The following APEX1 variants were observed in gnomAD, a reference collection of about 807,000 sequenced individuals.
The protein encoded by APEX1 is DNA repair nuclease/redox regulator APEX1.
APEX1 carries 32 observed loss-of-function variants against 33.2 expected under a neutral mutation model. The ratio of observed to expected loss-of-function variants is 0.96; its 90% CI spans 0.73 to 1.29. APEX1 has a LOEUF of 1.29. APEX1 is among the 50% of genes most tolerant of loss of function. The probability of loss-of-function intolerance (pLI) is 0.00; values close to 1 mark genes in which losing one functional copy is unlikely to be tolerated. For missense variants in APEX1, 442 were observed against 395.6 expected, an observed-to-expected ratio of 1.12 and a Z score of -0.99; for synonymous variants, 175 against 156.6, an observed-to-expected ratio of 1.12 and a Z score of -0.88.
Position 20,455,996 on chromosome 14 carries a change from C to T in APEX1, c.141C>T (p.Asp47=). 1.9e-6 allele frequency: 3 copies of T among 1,614,058 alleles called. No homozygotes were observed. The highest frequency in any genetic ancestry group is 1.7e-6 in the Non-Finnish European group (2 of 1,179,978). ...GAGAGGGCCCAGCCCTGTATGAGGACCCCCCAGATCAGAAAACCTCACCCA... is the reference window on the plus strand; with the variant it reads ...GAGAGGGCCCAGCCCTGTATGAGGATCCCCCAGATCAGAAAACCTCACCCA... ...AAGEGPALYE[D]PPDQKTSPSG... is the part of the protein sequence containing the mutation. The change falls in exon 3 of 5, where the codon GAC becomes GAT. Residue 47 remains aspartate (D), a synonymous_variant. Coordinates refer to ENST00000216714, the MANE Select transcript of APEX1 (RefSeq NM_001641.4).
Position 20,457,096 on chromosome 14 carries a change from T to TGGAGTACC in APEX1, c.548_555dup (p.Gln186SerfsTer14). ...AATGCAGGCCGAGGTCTGGTACGAC[T>TGGAGTACC]GGAGTACCGGCAGCGCTGGGATGAA... On this transcript the variant is annotated frameshift_variant, in exon 5 of 5. Transcript: ENST00000216714. LOFTEE classifies it high-confidence loss of function. The TGGAGTACC allele has an allele frequency of 6.2e-7, 1 of 1,614,240 alleles. No individual in the cohort carries two copies. Among genetic ancestry groups the TGGAGTACC allele is most frequent in the Non-Finnish European group, 8.5e-7 (1 of 1,180,044 alleles).
Position 20,457,023 on chromosome 14 carries a change from A to G in APEX1, c.472A>G (p.Ile158Val). The change falls in exon 5 of 5, where the codon ATT (isoleucine) becomes GTT (valine). Residue 158 changes from isoleucine to valine, a missense_variant. Ile to Val is a conservative substitution (Grantham distance 29). Coordinates refer to ENST00000216714, the MANE Select transcript of APEX1 (RefSeq NM_001641.4). ...DEEHDQEGRV[I>V]VAEFDSFVLV... Reference sequence around the variant, plus strand: ...GGAGCATGATCAGGAAGGCCGGGTGATTGTGGCTGAATTTGACTCGTTTGT... The same window carrying G: ...GGAGCATGATCAGGAAGGCCGGGTGGTTGTGGCTGAATTTGACTCGTTTGT... 6.2e-7 allele frequency: 1 copy of G among 1,614,140 alleles called. No homozygotes were observed. Among genetic ancestry groups the G allele is most frequent in the Non-Finnish European group, 8.5e-7 (1 of 1,180,012 alleles).
In APEX1 at chr14:20,456,820, G is replaced by A. The variant is rs1231487463; in HGVS notation, c.399G>A (p.Leu133=). ...AGGAAGGGTACAGTGGCGTGGGCCT[G>A]CTTTCCCGCCAGTGCCCACTCAAAG... ...SDKEGYSGVG[L]LSRQCPLKVS... is the part of the protein sequence containing the mutation. Residue 133 remains leucine (L), a synonymous_variant, in exon 4 of 5, where the codon CTG becomes CTA. Transcript: ENST00000216714. The A allele has an allele frequency of 2.3e-5, 37 of 1,614,082 alleles. No homozygotes were observed. The highest frequency in any genetic ancestry group is 3.1e-5 in the Non-Finnish European group (36 of 1,179,960).
At chr14:20,456,142 A>C in intron 3 of APEX1, 41 bp downstream of exon 3, 1 of 1,604,496 alleles carries the variant, frequency 6.2e-7, no homozygotes, top group Non-Finnish European at 8.5e-7. Flanking sequence ...TTTAGTATTG[A>C]ATGGTCTTAG....
Position 20,455,581 on chromosome 14 carries a change from A to G in APEX1, c.-65A>G. The G allele has an allele frequency of 6.2e-7, 1 of 1,606,738 alleles. No individual in the cohort carries two copies. The highest frequency in any genetic ancestry group is 8.5e-7 in the Non-Finnish European group (1 of 1,175,436). On this transcript the variant is annotated 5_prime_UTR_variant, in exon 2 of 5. Coordinates refer to ENST00000216714, the MANE Select transcript of APEX1 (RefSeq NM_001641.4). ...CATGATTTCTTTGCGTCTGTAGGCA[A>G]CGCGGTAAAAATATTGCTTCGGTGG...
In APEX1 at chr14:20,455,545, T is replaced by C. The variant is rs537870714; in HGVS notation, c.-68-33T>C. ...CTTGGGAGGAGTCTTCTCCCCAGCC[T>C]TAGCTGGTTTCATGATTTCTTTGCG... On this transcript the variant is annotated intron_variant, in intron 1 of 4. Coordinates refer to ENST00000216714, the MANE Select transcript of APEX1 (RefSeq NM_001641.4). 434 of 1,596,086 alleles carry C rather than the reference T, an allele frequency of 2.7e-4. 1 individual carries two copies. Among genetic ancestry groups the C allele is most frequent in the Non-Finnish European group, 1.1e-4 (129 of 1,168,034 alleles).
chr14:20,456,471 T>C (rs1335461512), intron 3 of APEX1, among the ~76,000 whole-genome samples, 197 bp from the exon 4 acceptor site: 5 of 152,254 alleles, frequency 3.3e-5, no homozygotes, highest in Non-Finnish European at 5.9e-5. Context: ...TGGCATAGCA[T>C]GTAAGACTTT....
chr14:20,457,075 C>T lies in APEX1; in HGVS notation c.524C>T (p.Ala175Val). Residue 175 changes from alanine to valine, a missense_variant, in exon 5 of 5, where the codon GCA becomes GTA. Physicochemically the swap from Ala to Val is moderately conservative, Grantham distance 64 (BLOSUM62 0). Transcript: ENST00000216714. ...FVLVTAYVPN[A>V]GRGLVRLEYR... ...CTGGTAACAGCATATGTACCTAATGCAGGCCGAGGTCTGGTACGACTGGAG... is the reference window on the plus strand; with the variant it reads ...CTGGTAACAGCATATGTACCTAATGTAGGCCGAGGTCTGGTACGACTGGAG... 6.2e-7 allele frequency: 1 copy of T among 1,614,188 alleles called. No homozygotes were observed. Among genetic ancestry groups the T allele is most frequent in the Non-Finnish European group, 8.5e-7 (1 of 1,180,036 alleles).
chr14:20,455,976 G>T lies in APEX1; in HGVS notation c.121G>T (p.Gly41Cys). Residue 41 changes from glycine to cysteine, a missense_variant, in exon 3 of 5, where the codon GGC becomes TGC. By Grantham distance (159) the Gly-to-Cys change is radical. Coordinates refer to ENST00000216714, the MANE Select transcript of APEX1 (RefSeq NM_001641.4). Reference protein sequence around the residue: ...KKNDKEAAGEGPALYEDPPDQ... With the variant: ...KKNDKEAAGECPALYEDPPDQ... ...AAATGACAAAGAGGCAGCAGGAGAGGGCCCAGCCCTGTATGAGGACCCCCC... is the reference window on the plus strand; with the variant it reads ...AAATGACAAAGAGGCAGCAGGAGAGTGCCCAGCCCTGTATGAGGACCCCCC... The T allele has an allele frequency of 6.2e-7, 1 of 1,614,142 alleles. No homozygotes were observed. The highest frequency in any genetic ancestry group is 8.5e-7 in the Non-Finnish European group (1 of 1,180,034).
chr14:20,456,651 T>C lies in APEX1; in HGVS notation c.247-17T>C, dbSNP rs780290920. On this transcript the variant is annotated splice_polypyrimidine_tract_variant and intron_variant, in intron 3 of 4. Transcript: ENST00000216714. ...CTGAATTGATAATACGTTTTCCACC[T>C]TTCTTTTCACTTACAGTGGGTAAAG... The C allele has an allele frequency of 5.6e-6, 9 of 1,610,460 alleles. No individual in the cohort carries two copies. The highest frequency in any genetic ancestry group is 7.6e-6 in the Non-Finnish European group (9 of 1,176,864).
In APEX1 at chr14:20,457,152, T is replaced by TC. The variant is rs1404155159; in HGVS notation, c.604dup (p.Arg202ProfsTer15). ...TCGCAAGTTCCTGAAGGGCCTGGCT[T>TC]CCCGAAAGCCCCTTGTGCTGTGTGG... On this transcript the variant is annotated frameshift_variant, in exon 5 of 5. Coordinates refer to ENST00000216714, the MANE Select transcript of APEX1 (RefSeq NM_001641.4). LOFTEE classifies it high-confidence loss of function. 10 of 1,614,144 alleles carry TC rather than the reference T, an allele frequency of 6.2e-6. No individual in the cohort carries two copies. The highest frequency in any genetic ancestry group is 7.6e-6 in the Non-Finnish European group (9 of 1,180,032).
At chr14:20,456,901 C>G in intron 4 of APEX1, 41 bp downstream of exon 4, 2 of 1,606,946 alleles carry the variant, frequency 1.2e-6, no homozygotes, top group Non-Finnish European at 1.7e-6. Flanking sequence ...CTCTTCAAAA[C>G]CAATTGCTAA....
In APEX1 at chr14:20,455,673, G is replaced by T. The variant is rs1427476856; in HGVS notation, c.28G>T (p.Val10Leu). The change falls in exon 2 of 5, where the codon GTG becomes TTG. Residue 10 changes from valine to leucine, a missense_variant. By Grantham distance (32) the Val-to-Leu change is conservative. Transcript: ENST00000216714. ...GCCGAAGCGTGGGAAAAAGGGAGCG[G>T]TGGCGGAAGACGGGGATGAGCTCAG... is the stretch of plus-strand genomic sequence containing the variant. MPKRGKKGA[V>L]AEDGDELRTE... The T allele has an allele frequency of 6.2e-7, 1 of 1,613,972 alleles. No homozygotes were observed. Among genetic ancestry groups the T allele is most frequent in the African/African-American group, 1.3e-5 (1 of 74,918 alleles).
At position 20,457,655 on chromosome 14, in the gene APEX1, TA is replaced by T. The variant is rs1326945243; in HGVS notation, c.*149del. ...CCAGGCTCCTGTGATAGAGTTCTTT[TA>T]AGCCCAAGATTTTTTATTTGAGGGT... On this transcript the variant is annotated 3_prime_UTR_variant, in exon 5 of 5. Coordinates refer to ENST00000216714, the MANE Select transcript of APEX1 (RefSeq NM_001641.4). 1 of 1,155,592 alleles carries T rather than the reference TA, an allele frequency of 8.7e-7. No individual in the cohort carries two copies. The highest frequency in any genetic ancestry group is 1.2e-6 in the Non-Finnish European group (1 of 801,240). 71.6% of individuals were successfully genotyped at this position (1,155,592 alleles called of 1,614,324 possible).
At chr14:20,456,603 T>C (rs1566513589) in intron 3 of APEX1, 65 bp from the exon 4 acceptor site, 6 of 1,493,536 alleles carry the variant, frequency 4.0e-6, no homozygotes, top group African/African-American at 1.4e-5. Flanking sequence ...ACTTAGCATA[T>C]AGATTATTCA....
Position 20,457,221 on chromosome 14 carries a change from A to G in APEX1, c.670A>G (p.Lys224Glu). 1.2e-6 allele frequency: 2 copies of G among 1,614,214 alleles called. No homozygotes were observed. The highest frequency in any genetic ancestry group is 1.7e-6 in the Non-Finnish European group (2 of 1,180,022). The change falls in exon 5 of 5, where the codon AAG (lysine) becomes GAG (glutamate). Residue 224 changes from lysine to glutamate, a missense_variant. By Grantham distance (56) the Lys-to-Glu change is moderately conservative. Coordinates refer to ENST00000216714, the MANE Select transcript of APEX1 (RefSeq NM_001641.4). ...AHEEIDLRNP[K>E]GNKKNAGFTP... Reference sequence around the variant, plus strand: ...TGAAGAAATTGACCTTCGCAACCCCAAGGGGAACAAAAAGAATGCTGGCTT... The same window carrying G: ...TGAAGAAATTGACCTTCGCAACCCCGAGGGGAACAAAAAGAATGCTGGCTT...
rs759471029 is a variant in APEX1, at chr14:20,457,010, G to A, written c.459G>A (p.Gln153=). The A allele has an allele frequency of 1.2e-6, 2 of 1,614,056 alleles. No individual in the cohort carries two copies. The highest frequency in any genetic ancestry group is 4.5e-5 in the East Asian group (2 of 44,892). Residue 153 remains glutamine (Q), a synonymous_variant, in exon 5 of 5, where the codon CAG becomes CAA. Coordinates refer to ENST00000216714, the MANE Select transcript of APEX1 (RefSeq NM_001641.4). ...SYGIGDEEHD[Q]EGRVIVAEFD... ...CTATAGGCGATGAGGAGCATGATCAGGAAGGCCGGGTGATTGTGGCTGAAT... is the reference window on the plus strand; with the variant it reads ...CTATAGGCGATGAGGAGCATGATCAAGAAGGCCGGGTGATTGTGGCTGAAT...
At position 20,457,593 on chromosome 14, in the gene APEX1, A is replaced by C; in HGVS notation, c.*85A>C. 1 of 1,519,982 alleles carries C rather than the reference A, an allele frequency of 6.6e-7. No individual in the cohort carries two copies. 94.2% of individuals were successfully genotyped at this position (1,519,982 alleles called of 1,614,324 possible). ...TTAAACACTCTTCAGAGAAATCTGC[A>C]TTCTATTTCTCATGTATAAAACTAG... On this transcript the variant is annotated 3_prime_UTR_variant, in exon 5 of 5. Transcript: ENST00000216714.
At position 20,457,108 on chromosome 14, in the gene APEX1, A is replaced by C. The variant is rs1445816637; in HGVS notation, c.557A>C (p.Gln186Pro). ...GGTCTGGTACGACTGGAGTACCGGC[A>C]GCGCTGGGATGAAGCCTTTCGCAAG... ...GRGLVRLEYR[Q>P]RWDEAFRKFL... The change falls in exon 5 of 5, where the codon CAG becomes CCG. Residue 186 changes from glutamine (Q) to proline (P), a missense_variant. Transcript: ENST00000216714. 2 of 1,614,116 alleles carry C rather than the reference A, an allele frequency of 1.2e-6. No homozygotes were observed. The highest frequency in any genetic ancestry group is 3.3e-5 in the Admixed American group (2 of 60,008).
Sources: allele counts gnomAD v4.1 joint callset (sites outside exome capture counted in the v4.1 genomes callset), GRCh38; gene constraint gnomAD v4.1.1; transcripts MANE v1.5; gene names NCBI Gene and HGNC (gene_info 2026-07-23, HGNC 2026-07-21).